HIBCH: variants seen among roughly 807,000 people sequenced by gnomAD.
HIBCH encodes 3-hydroxyisobutyryl-CoA hydrolase, mitochondrial.
A neutral mutation model predicts 58.2 loss-of-function variants in HIBCH; 50 were observed. The ratio of observed to expected loss-of-function variants is 0.86; its 90% confidence interval spans 0.68 to 1.09. The LOEUF (loss-of-function observed/expected upper bound fraction) is 1.09. Ranked by LOEUF, HIBCH falls within the 50% of genes least tolerant of loss-of-function variation. The pLI, the probability that HIBCH is intolerant of heterozygous loss-of-function variation, is 0.00. For synonymous variants in HIBCH, 151 were observed against 146.9 expected (o/e 1.03, Z -0.20); for missense variants, 450 against 449.7 (o/e 1.00, Z -0.01).
At chr2:190,195,971 G>T (rs1689955419) in intron 1 of HIBCH, among the ~76,000 whole-genome samples, 1 of 110,798 alleles carries the variant, frequency 9.0e-6, no homozygotes, top group Admixed American at 9.9e-5. Context: ...TTGGCATATG[G>T]ATGATTTGTT....
At chr2:190,292,000 T>C (rs1235746209) in intron 4 of HIBCH, among the ~76,000 whole-genome samples, 1 of 151,994 alleles carries the variant, frequency 6.6e-6, no homozygotes, top group Non-Finnish European at 1.5e-5. Flanking sequence ...TTGTTTGTTT[T>C]GAGACAGAAT....
intron 6 of HIBCH, among the ~76,000 whole-genome samples, chr2:190,282,865 G>C (rs566426309): frequency 6.8e-6 from 1 of 146,102 alleles, no homozygotes; most frequent in African/African-American, 2.5e-5. Context: ...AAAAAAGGTA[G>C]GATAATCCTT....
In HIBCH at chr2:190,310,765, G is replaced by A; in HGVS notation, c.67C>T (p.Leu23=). The A allele has an allele frequency of 6.2e-7, 1 of 1,608,862 alleles. No homozygotes were observed. Among genetic ancestry groups the A allele is most frequent in the Non-Finnish European group, 8.5e-7 (1 of 1,175,256 alleles). ...ACACAATAACTTACCAAATGGTGCA[G>A]TATGGTATTAGTCCTTTTGAATGCA... ...FNAFKRTNTI[L]HHLRMSKHTD... The change falls in exon 2 of 14, where the codon CTG becomes TTG. Residue 23 remains leucine, a synonymous_variant. Transcript: ENST00000359678.
At chr2:190,302,446 C>T (rs1688289046) in intron 2 of HIBCH, among the ~76,000 whole-genome samples, 1 of 152,148 alleles carries the variant, frequency 6.6e-6, no homozygotes, top group Non-Finnish European at 1.5e-5. Context: ...GAAATGGAGG[C>T]CCACTGTGTG....
chr2:190,278,738 C>CAAAAAAAAA (rs34358967), intron 6 of HIBCH, among the ~76,000 whole-genome samples: 1 of 79,616 alleles, frequency 1.3e-5, no homozygotes, highest in Non-Finnish European at 2.3e-5. Context: ...GACTCCATCT[C>CAAAAAAAAA]AAAAAAAAAA....
intron 1 of HIBCH, among the ~76,000 whole-genome samples, chr2:190,314,377 ATGTG>A: frequency 1.1e-5 from 1 of 87,204 alleles, no homozygotes; most frequent in African/African-American, 4.8e-5. Flanking sequence ...ATACGTATAT[ATGTG>A]TATATATATG....
intron 6 of HIBCH, among the ~76,000 whole-genome samples, chr2:190,269,766 T>C (rs1271936542): frequency 1.3e-5 from 2 of 152,164 alleles, no homozygotes; most frequent in African/African-American, 2.4e-5. Flanking sequence ...TAAAGACACA[T>C]GCACACATAT....
chr2:190,274,093 C>T (rs1054706328), intron 6 of HIBCH, among the ~76,000 whole-genome samples: 2 of 152,162 alleles, frequency 1.3e-5, no homozygotes, highest in Non-Finnish European at 2.9e-5. Context: ...TGTGCCACTG[C>T]GCCCGGCCTC....
At chr2:190,302,815 A>G (rs1688301946) in intron 2 of HIBCH, among the ~76,000 whole-genome samples, 1 of 152,204 alleles carries the variant, frequency 6.6e-6, no homozygotes, top group Non-Finnish European at 1.5e-5. Context: ...ACATTATGAC[A>G]TAACCTCAGT....
At chr2:190,262,857 T>C (rs1160594279) in intron 6 of HIBCH, among the ~76,000 whole-genome samples, 2 of 152,200 alleles carry the variant, frequency 1.3e-5, no homozygotes, top group Non-Finnish European at 2.9e-5. Context: ...AAAAAGTTAT[T>C]AATGAAAAAC....
rs1306316290 is a variant in HIBCH, at chr2:190,211,990, G to A, written c.1011+966C>T. ...TGCAGGCACTGGAGTAAGACTGCCT[G>A]GTTTCATATGCCATATCTCTGTCAC... is the stretch of plus-strand genomic sequence containing the variant. On this transcript the variant is annotated intron_variant, in intron 12 of 13. Transcript: ENST00000359678. This position sits in a 1 kb window ranked among gnomAD's most constrained non-coding sequence, Gnocchi z 5.0. 6.6e-6 allele frequency among the ~76,000 whole-genome samples: 1 copy of A among 152,138 alleles called. No homozygotes were observed. The highest frequency in any genetic ancestry group is 1.5e-5 in the Non-Finnish European group (1 of 68,028).
chr2:190,303,439 C>CA (rs34960257), intron 2 of HIBCH, among the ~76,000 whole-genome samples: 5 of 131,734 alleles, frequency 3.8e-5, no homozygotes, highest in African/African-American at 1.1e-4. Flanking sequence ...AGGAAATGTT[C>CA]AAAAAAAAAA....
At position 190,252,098 on chromosome 2, in the gene HIBCH, C is replaced by T. The variant is rs1686790740; in HGVS notation, c.663+64G>A. Reference sequence around the variant, plus strand: ...TGTGGCTCTCAACCACCCATTGTACCTTCCCATGCACTATTTTGTGTTGTT... The same window carrying T: ...TGTGGCTCTCAACCACCCATTGTACTTTCCCATGCACTATTTTGTGTTGTT... On this transcript the variant is annotated intron_variant, in intron 8 of 13. Coordinates refer to ENST00000359678, the MANE Select transcript of HIBCH (RefSeq NM_014362.4). The T allele has an allele frequency of 2.0e-6, 3 of 1,500,004 alleles. No homozygotes were observed. The African/African-American group carries it at 4.1e-5, about 21-fold the overall frequency. 92.9% of individuals were successfully genotyped at this position (1,500,004 alleles called of 1,614,324 possible).
intron 3 of HIBCH, among the ~76,000 whole-genome samples, chr2:190,295,336 CAATAT>C (rs1688075730): frequency 1.3e-5 from 2 of 152,152 alleles, no homozygotes; most frequent in African/African-American, 4.8e-5. Flanking sequence ...TTTGCATATA[CAATAT>C]GAGATATCCT....
At chr2:190,253,080 T>C (rs1686824058) in intron 7 of HIBCH, among the ~76,000 whole-genome samples, 1 of 152,076 alleles carries the variant, frequency 6.6e-6, no homozygotes, top group African/African-American at 2.4e-5. Context: ...TCCCAGCTAC[T>C]GGTGAGGCTG....
chr2:190,208,747 C>T, intron 13 of HIBCH, 133 bp downstream of exon 13: 1 of 732,236 alleles, frequency 1.4e-6, no homozygotes, highest in African/African-American at 1.8e-5. Flanking sequence ...CATGTTGGTG[C>T]TCAAATAGTT....
At chr2:190,317,089 T>G (rs1287573989) in intron 1 of HIBCH, among the ~76,000 whole-genome samples, 1 of 152,138 alleles carries the variant, frequency 6.6e-6, no homozygotes, top group African/African-American at 2.4e-5. Context: ...AGTTTTTTTA[T>G]TTCTTATTTT....
intron 6 of HIBCH, among the ~76,000 whole-genome samples, chr2:190,277,838 A>G (rs1687596801): frequency 6.6e-6 from 1 of 152,094 alleles, no homozygotes; most frequent in African/African-American, 2.4e-5. Flanking sequence ...CATTCAACCT[A>G]TGGAAGCTCA....
At chr2:190,317,434 T>G (rs565591728) in intron 1 of HIBCH, among the ~76,000 whole-genome samples, 2 of 152,344 alleles carry the variant, frequency 1.3e-5, no homozygotes, top group African/African-American at 4.8e-5. Context: ...TGCCTAGAAC[T>G]GTGCTTCCCA....
Sources: allele counts gnomAD v4.1 joint callset (sites outside exome capture counted in the v4.1 genomes callset), GRCh38; gene constraint gnomAD v4.1.1; non-coding constraint Gnocchi (gnomAD v3.1); transcripts MANE v1.5; gene names NCBI Gene and HGNC (gene_info 2026-07-23, HGNC 2026-07-21).